The following SPATA16 variants were observed in gnomAD, a reference collection of about 807,000 sequenced individuals.
The protein encoded by SPATA16 is spermatogenesis associated 16.
In SPATA16, 36 loss-of-function variants were observed where a neutral mutation model predicts 63.3. The observed-to-expected ratio is 0.57, with a 90% confidence interval of 0.44 to 0.75. The LOEUF (loss-of-function observed/expected upper bound fraction) is 0.75. SPATA16 is among the 30% of genes least tolerant of loss of function. The pLI is 0.00. For synonymous variants in SPATA16, 203 were observed against 216.7 expected, an observed-to-expected ratio of 0.94 and a Z score of 0.56; for missense variants, 646 against 679.3, an observed-to-expected ratio of 0.95 and a Z score of 0.54.
At position 172,956,732 on chromosome 3, in the gene SPATA16, T is replaced by G. The variant is rs781691039; in HGVS notation, c.1026A>C (p.Lys342Asn). Reference protein sequence around the residue: ...ATKIRADKIEKVKDAFTKTHP... With the variant: ...ATKIRADKIENVKDAFTKTHP... ...GAGTTTTTGTGAAAGCATCTTTTACTTTTTCTATTTTATCAGCTCTTATTT... is the reference window on the plus strand; with the variant it reads ...GAGTTTTTGTGAAAGCATCTTTTACGTTTTCTATTTTATCAGCTCTTATTT... Residue 342 changes from lysine (K) to asparagine (N), a missense_variant, in exon 6 of 11, where the codon AAA becomes AAC. By Grantham distance (94) the Lys-to-Asn change is moderately conservative. Coordinates refer to ENST00000351008, the MANE Select transcript of SPATA16 (RefSeq NM_031955.6). 5 of 1,613,172 alleles carry G rather than the reference T, an allele frequency of 3.1e-6. No homozygotes were observed. The highest frequency in any genetic ancestry group is 4.2e-6 in the Non-Finnish European group (5 of 1,179,508).
chr3:173,039,983 T>A (rs1735800359), intron 3 of SPATA16, among the ~76,000 whole-genome samples: 2 of 152,154 alleles, frequency 1.3e-5, no homozygotes, highest in South Asian at 4.1e-4. Flanking sequence ...CTTCAGAACA[T>A]GCCTATGATT....
rs1560080300 is a variant in SPATA16 at position 172,961,065 on chromosome 3, T to TTCCTTCCTTCCTTCCTTCCTTC, written c.934-4242_934-4241insGAAGGAAGGAAGGAAGGAAGGA. Among the ~76,000 whole-genome samples the TTCCTTCCTTCCTTCCTTCCTTC allele has an allele frequency of 3.0e-4, 12 of 40,162 alleles. 1 individual carries two copies. Among genetic ancestry groups the TTCCTTCCTTCCTTCCTTCCTTC allele is most frequent in the Admixed American group, 1.1e-3 (4 of 3,622 alleles). 26.3% of individuals were successfully genotyped at this position (40,162 alleles called of 152,430 possible). On this transcript the variant is annotated intron_variant, in intron 5 of 10. Coordinates refer to ENST00000351008, the MANE Select transcript of SPATA16 (RefSeq NM_031955.6). ...CTTTCTTTCTTCTTTCTTTCTTTCT[T>TTCCTTCCTTCCTTCCTTCCTTC]CTTTCTTCCTTCCTTCCTTCCTTCC...
At chr3:172,982,386 T>G (rs1052133444) in intron 4 of SPATA16, among the ~76,000 whole-genome samples, 2 of 152,212 alleles carry the variant, frequency 1.3e-5, no homozygotes, top group Non-Finnish European at 2.9e-5. Flanking sequence ...ATTTATGGCA[T>G]AAATTGAAGA....
chr3:173,094,109 C>G (rs949622318), intron 2 of SPATA16, among the ~76,000 whole-genome samples: 2 of 151,676 alleles, frequency 1.3e-5, no homozygotes, highest in Non-Finnish European at 2.9e-5. Context: ...TAACACACCA[C>G]AAGTACCTTC....
intron 7 of SPATA16, among the ~76,000 whole-genome samples, chr3:172,924,942 A>G (rs1732693773): frequency 6.6e-6 from 1 of 152,244 alleles, no homozygotes; most frequent in South Asian, 2.1e-4. Flanking sequence ...TAATTACATA[A>G]GAAAAGCGGG....
chr3:172,977,873 A>G (rs541192617), intron 4 of SPATA16, among the ~76,000 whole-genome samples: 4 of 152,220 alleles, frequency 2.6e-5, no homozygotes, highest in Admixed American at 2.6e-4. Flanking sequence ...ACTTAAGTAG[A>G]GCTATGACTG....
chr3:172,949,899 T>A (rs943273939), intron 6 of SPATA16, among the ~76,000 whole-genome samples: 7 of 152,132 alleles, frequency 4.6e-5, no homozygotes, highest in Non-Finnish European at 8.8e-5. Flanking sequence ...TGTGAATGTT[T>A]GTGTTTATGT....
intron 5 of SPATA16, among the ~76,000 whole-genome samples, chr3:172,972,267 C>T (rs2108247582): frequency 6.6e-6 from 1 of 152,290 alleles, no homozygotes; most frequent in South Asian, 2.1e-4. Flanking sequence ...AAGAAAGATG[C>T]TCCACATGTC....
chr3:173,055,887 A>G (rs530682124), intron 2 of SPATA16, among the ~76,000 whole-genome samples: 2 of 152,326 alleles, frequency 1.3e-5, no homozygotes, highest in East Asian at 3.9e-4. Context: ...CTATGAATCT[A>G]TAACTATCTT....
chr3:173,089,907 G>A lies in SPATA16; in HGVS notation c.612+27213C>T, dbSNP rs1467750545. Among the ~76,000 whole-genome samples the A allele has an allele frequency of 5.3e-5, 8 of 152,288 alleles. No homozygotes were observed. The East Asian group carries it at 1.2e-3, about 22-fold the overall frequency. ...TGCTCAGGAATTCTGACTTGAGCGT[G>A]TTGTAAATTGTGGATTATAATCACA... On this transcript the variant is annotated intron_variant, in intron 2 of 10. Coordinates refer to ENST00000351008, the MANE Select transcript of SPATA16 (RefSeq NM_031955.6).
chr3:172,989,690 A>T (rs972183924), intron 4 of SPATA16, among the ~76,000 whole-genome samples: 4 of 152,196 alleles, frequency 2.6e-5, no homozygotes, highest in Non-Finnish European at 5.9e-5. Context: ...AGTGCCTGAT[A>T]CTTGGGAAGC....
chr3:173,050,967 A>G (rs1361093191), intron 2 of SPATA16, among the ~76,000 whole-genome samples: 1 of 152,334 alleles, frequency 6.6e-6, no homozygotes, highest in African/African-American at 2.4e-5. Context: ...GCTTTAAAAC[A>G]TAATTTTAGA....
At chr3:172,941,524 G>A (rs1282021020) in intron 6 of SPATA16, among the ~76,000 whole-genome samples, 1 of 152,174 alleles carries the variant, frequency 6.6e-6, no homozygotes, top group Non-Finnish European at 1.5e-5. Context: ...TCAGAAGACA[G>A]TGAAATAATA....
intron 3 of SPATA16, among the ~76,000 whole-genome samples, chr3:173,038,941 G>A (rs900705201): frequency 6.6e-6 from 1 of 152,132 alleles, no homozygotes; most frequent in East Asian, 1.9e-4. Context: ...GAGGCTAAGG[G>A]CAATTATGTG....
intron 4 of SPATA16, among the ~76,000 whole-genome samples, chr3:172,989,772 A>G (rs775188131): frequency 2.0e-5 from 3 of 152,190 alleles, no homozygotes; most frequent in Non-Finnish European, 4.4e-5. Flanking sequence ...AAAATAAAAT[A>G]CACATTGATT....
chr3:173,140,988 C>T (rs2108354109), intron 1 of SPATA16, 115 bp downstream of exon 1: 1 of 152,364 alleles, frequency 6.6e-6, no homozygotes, highest in East Asian at 1.9e-4. Flanking sequence ...AAGAAAGGAG[C>T]TCCTGTTTTC....
intron 10 of SPATA16, among the ~76,000 whole-genome samples, chr3:172,897,898 G>A (rs1732041061): frequency 6.6e-6 from 1 of 151,954 alleles, no homozygotes. Flanking sequence ...AATTTTTGGA[G>A]GTGCTCTTTA....
At chr3:172,957,807 A>G (rs1036056328) in intron 5 of SPATA16, among the ~76,000 whole-genome samples, 1 of 152,216 alleles carries the variant, frequency 6.6e-6, no homozygotes, top group African/African-American at 2.4e-5. Flanking sequence ...TTTTGAAAAC[A>G]AGTTTTCCAT....
chr3:172,963,621 C>A (rs1184106684), intron 5 of SPATA16, among the ~76,000 whole-genome samples: 1 of 152,158 alleles, frequency 6.6e-6, no homozygotes, highest in South Asian at 2.1e-4. Context: ...ATATGTGATG[C>A]ATCCATTAAC....
Sources: gnomAD v4.1 joint callset for allele counts (sites outside exome capture counted in the v4.1 genomes callset) on GRCh38, gnomAD v4.1.1 for gene constraint, MANE v1.5 for transcripts, NCBI Gene and HGNC (gene_info 2026-07-23, HGNC 2026-07-21) for gene names.